RAB27B: variants seen among roughly 807,000 people sequenced by gnomAD.
The protein encoded by RAB27B is RAB27B, member RAS oncogene family, also known as ras-related protein Rab-27B.
RAB27B carries 15 observed loss-of-function variants against 24.6 expected under a neutral mutation model. The observed-to-expected ratio is 0.61, with a 90% CI of 0.41 to 0.94. The LOEUF is 0.94. RAB27B is among the 40% of genes least tolerant of loss of function. RAB27B has a pLI of 0.00. For synonymous variants in RAB27B, 105 were observed against 92.5 expected (o/e 1.14, Z -0.78); for missense variants, 261 against 266.8 (o/e 0.98, Z 0.15).
chr18:54,738,389 TG>T (rs1403499625), intron 2 of RAB27B, among the ~76,000 whole-genome samples: 2 of 151,804 alleles, frequency 1.3e-5, no homozygotes, highest in African/African-American at 4.8e-5. Flanking sequence ...ATCATGGGGG[TG>T]GTTTCTCCCA....
chr18:54,816,955 T>C (rs900124211), intron 2 of RAB27B, among the ~76,000 whole-genome samples: 1 of 152,210 alleles, frequency 6.6e-6, no homozygotes, highest in African/African-American at 2.4e-5. Flanking sequence ...TCAAGAAATG[T>C]ATTTGCTATA....
chr18:54,815,289 C>A (rs1452741767), intron 2 of RAB27B, among the ~76,000 whole-genome samples: 1 of 152,138 alleles, frequency 6.6e-6, no homozygotes, highest in Non-Finnish European at 1.5e-5. Context: ...AGGCTTAGAA[C>A]AACTTGCAGA....
intron 2 of RAB27B, among the ~76,000 whole-genome samples, chr18:54,795,497 T>C (rs1909387939): frequency 6.6e-6 from 1 of 152,168 alleles, no homozygotes; most frequent in African/African-American, 2.4e-5. Context: ...TAGAGGTTTA[T>C]GCAGCAGGGA....
intron 1 of RAB27B, among the ~76,000 whole-genome samples, chr18:54,860,828 G>A (rs1911981874): frequency 6.6e-6 from 1 of 152,074 alleles, no homozygotes. Context: ...ACCTTCTTTG[G>A]ACTAATTCCA....
chr18:54,820,653 G>T (rs997634200), intron 2 of RAB27B, among the ~76,000 whole-genome samples: 4 of 152,062 alleles, frequency 2.6e-5, no homozygotes, highest in African/African-American at 7.2e-5. Flanking sequence ...GGCTTTTGTT[G>T]CCATTGCTTT....
Position 54,889,307 on chromosome 18 carries a change from G to A in RAB27B, c.551G>A (p.Arg184Gln), listed in dbSNP as rs753780291. ...ACCCTTTTGGACTTAATCATGAAGC[G>A]AATGGAACAGTGTGTGGAGAAGACA... ...VETLLDLIMKRMEQCVEKTQI... is the reference protein window; with the variant it reads ...VETLLDLIMKQMEQCVEKTQI... Residue 184 changes from arginine (R) to glutamine (Q), a missense_variant, in exon 6 of 6, where the codon CGA (arginine) becomes CAA (glutamine). Coordinates refer to ENST00000262094, the MANE Select transcript of RAB27B (RefSeq NM_004163.4). The A allele has an allele frequency of 1.2e-5, 19 of 1,613,304 alleles. No homozygotes were observed. The highest frequency in any genetic ancestry group is 1.4e-5 in the Non-Finnish European group (17 of 1,179,526).
At chr18:54,830,705 A>G (rs1307902368) in intron 1 of RAB27B, among the ~76,000 whole-genome samples, 1 of 152,174 alleles carries the variant, frequency 6.6e-6, no homozygotes, top group Non-Finnish European at 1.5e-5. Flanking sequence ...TAACATACCT[A>G]TTGTAAACCC....
chr18:54,737,772 G>A (rs546761063), intron 2 of RAB27B, among the ~76,000 whole-genome samples: 1 of 152,104 alleles, frequency 6.6e-6, no homozygotes, highest in Non-Finnish European at 1.5e-5. Context: ...TCAAATGGAT[G>A]TGACCATATC....
chr18:54,797,711 G>A (rs1024818191), intron 2 of RAB27B, among the ~76,000 whole-genome samples: 2 of 152,020 alleles, frequency 1.3e-5, no homozygotes, highest in African/African-American at 2.4e-5. Flanking sequence ...TGGTCTACTG[G>A]GTCTAACCTT....
At chr18:54,751,124 T>C (rs1907816934) in intron 2 of RAB27B, among the ~76,000 whole-genome samples, 1 of 152,196 alleles carries the variant, frequency 6.6e-6, no homozygotes, top group African/African-American at 2.4e-5. Flanking sequence ...TTTTACACTC[T>C]GGCAGTTTTA....
At chr18:54,732,549 G>A (rs1009149336) in intron 2 of RAB27B, among the ~76,000 whole-genome samples, 1 of 151,988 alleles carries the variant, frequency 6.6e-6, no homozygotes, top group Non-Finnish European at 1.5e-5. Context: ...CCATAATATA[G>A]TTTTGTTAAA....
chr18:54,801,008 GT>G (rs11363761), intron 2 of RAB27B, among the ~76,000 whole-genome samples: 17,163 of 92,714 alleles, frequency 0.19, 1,216 homozygotes, highest in East Asian at 0.31. Flanking sequence ...TTGTTCCTGT[GT>G]TTTTTTTTTT....
At chr18:54,845,124 G>A (rs1241110739) in intron 1 of RAB27B, among the ~76,000 whole-genome samples, 1 of 151,860 alleles carries the variant, frequency 6.6e-6, no homozygotes, top group African/African-American at 2.4e-5. Context: ...AATCCATTTA[G>A]GACCTGTCGC....
At chr18:54,834,224 G>T (rs185778659) in intron 1 of RAB27B, among the ~76,000 whole-genome samples, 1 of 152,128 alleles carries the variant, frequency 6.6e-6, no homozygotes, top group African/African-American at 2.4e-5. Flanking sequence ...CAGGAAAAAC[G>T]TTTCTAGGTA....
At chr18:54,821,589 G>T (rs541623976) in intron 2 of RAB27B, among the ~76,000 whole-genome samples, 1 of 152,076 alleles carries the variant, frequency 6.6e-6, no homozygotes. Flanking sequence ...AAAAGAGCCC[G>T]CATTGCCAAG....
chr18:54,845,178 G>T (rs1568093171), intron 1 of RAB27B, among the ~76,000 whole-genome samples: 1 of 152,040 alleles, frequency 6.6e-6, no homozygotes, highest in Non-Finnish European at 1.5e-5. Context: ...AGGCCGAGGT[G>T]GGAGGATCAT....
At chr18:54,784,528 G>T (rs1909018886) in intron 2 of RAB27B, among the ~76,000 whole-genome samples, 3 of 152,126 alleles carry the variant, frequency 2.0e-5, no homozygotes, top group African/African-American at 7.2e-5. Flanking sequence ...TGCATACCCA[G>T]TGTTTAACTC....
chr18:54,868,702 C>T (rs1912344854), intron 1 of RAB27B, among the ~76,000 whole-genome samples: 1 of 152,076 alleles, frequency 6.6e-6, no homozygotes, highest in Admixed American at 6.6e-5. Flanking sequence ...CAACTCACTG[C>T]AACCTCCTCT....
intron 2 of RAB27B, among the ~76,000 whole-genome samples, chr18:54,750,990 T>C (rs1907812953): frequency 6.6e-6 from 1 of 151,950 alleles, no homozygotes; most frequent in Admixed American, 6.6e-5. Context: ...GAGTAGAAAG[T>C]TGTAAGTGGA....
Sources: gnomAD v4.1 joint callset for allele counts (sites outside exome capture counted in the v4.1 genomes callset) on GRCh38, gnomAD v4.1.1 for gene constraint, MANE v1.5 for transcripts, NCBI Gene and HGNC (gene_info 2026-07-23, HGNC 2026-07-21) for gene names.